Variants in GNG7 observed in about 807,000 individuals in gnomAD.
GNG7 encodes G protein subunit gamma 7.
GNG7 carries 1 observed loss-of-function variant against 4.0 expected under a neutral mutation model. That is an observed-to-expected ratio of 0.25 (90% CI 0.09 to 1.18). GNG7 has a LOEUF of 1.18. Ranked by LOEUF, GNG7 falls within the 50% of genes most tolerant of loss-of-function variation. GNG7 has a pLI of 0.50. For missense variants in GNG7, 86 were observed against 91.9 expected (o/e 0.94, Z 0.26); for synonymous variants, 34 against 36.9 (o/e 0.92, Z 0.29).
chr19:2,532,306 C>G (rs550105777), intron 3 of GNG7, among the ~76,000 whole-genome samples: 1 of 151,844 alleles, frequency 6.6e-6, no homozygotes, highest in East Asian at 1.9e-4. Flanking sequence ...CAAATTGGAA[C>G]AATGGGGAAA....
At chr19:2,550,994 T>C (rs939841560) in intron 3 of GNG7, among the ~76,000 whole-genome samples, 6 of 152,166 alleles carry the variant, frequency 3.9e-5, no homozygotes, top group Non-Finnish European at 8.8e-5. Context: ...TGGAGCCTCT[T>C]GTCATCCCTC....
At chr19:2,592,458 G>A (rs1293673752) in intron 2 of GNG7, among the ~76,000 whole-genome samples, 1 of 152,080 alleles carries the variant, frequency 6.6e-6, no homozygotes, top group Non-Finnish European at 1.5e-5. Flanking sequence ...ACAAAGGCCA[G>A]GTGCAGTGGC....
intron 2 of GNG7, among the ~76,000 whole-genome samples, chr19:2,623,505 T>G (rs1981934871): frequency 6.6e-6 from 1 of 152,068 alleles, no homozygotes; most frequent in African/African-American, 2.4e-5. Flanking sequence ...TACTCAGCCA[T>G]GAAAAGGAAG....
rs1599424569 is a variant in GNG7, at chr19:2,618,247, C to A, written c.-78+27977G>T. Among the ~76,000 whole-genome samples the A allele has an allele frequency of 1.3e-5, 2 of 152,176 alleles. No homozygotes were observed. The highest frequency in any genetic ancestry group is 4.8e-5 in the African/African-American group (2 of 41,430). On this transcript the variant is annotated intron_variant, in intron 2 of 4. Transcript: ENST00000382159. This position sits in a 1 kb window ranked among gnomAD's most constrained non-coding sequence, Gnocchi z 5.1. Reference sequence around the variant, plus strand: ...CTTCTCCATCTTGCCCAAATCCCTGCCAACCCCAGGGCACTGAGGACACAG... The same window carrying A: ...CTTCTCCATCTTGCCCAAATCCCTGACAACCCCAGGGCACTGAGGACACAG...
At chr19:2,564,351 C>T (rs368271015) in intron 2 of GNG7, among the ~76,000 whole-genome samples, 16 of 152,166 alleles carry the variant, frequency 1.1e-4, no homozygotes, top group Middle Eastern at 3.4e-3. Context: ...GAGGCCGAGG[C>T]GGGAGGATCG....
chr19:2,603,662 C>T (rs927557644), intron 2 of GNG7, among the ~76,000 whole-genome samples: 1 of 152,168 alleles, frequency 6.6e-6, no homozygotes, highest in Non-Finnish European at 1.5e-5. Context: ...CTGGAGAATG[C>T]AGGCATCAGA....
chr19:2,580,860 G>A (rs1360161294), intron 2 of GNG7, among the ~76,000 whole-genome samples: 2 of 151,412 alleles, frequency 1.3e-5, no homozygotes, highest in African/African-American at 4.9e-5. Flanking sequence ...CCCCTCCCAG[G>A]TTCAAGCGAT....
intron 3 of GNG7, among the ~76,000 whole-genome samples, chr19:2,545,649 TAA>T (rs34706450): frequency 0.26 from 23,458 of 89,926 alleles, 2,740 homozygotes; most frequent in East Asian, 0.41. Flanking sequence ...GAAACTGTCT[TAA>T]AAAAAAAAAA....
intron 3 of GNG7, among the ~76,000 whole-genome samples, chr19:2,530,185 G>A (rs1386974532): frequency 6.6e-6 from 1 of 152,218 alleles, no homozygotes; most frequent in Admixed American, 6.5e-5. Context: ...GGTCGAGGCG[G>A]GAGGATCACT....
At chr19:2,515,196 GCACACCCGGGTT>G (rs1972716447) in intron 4 of GNG7, 49 bp from the exon 5 acceptor site, 2 of 1,608,064 alleles carry the variant, frequency 1.2e-6, no homozygotes, top group Non-Finnish European at 1.7e-6. Flanking sequence ...GAAGAGGCTG[GCACACCCGGGTT>G]CACAGCAGCA....
chr19:2,522,496 C>G (rs951621693), intron 3 of GNG7, among the ~76,000 whole-genome samples: 1 of 151,800 alleles, frequency 6.6e-6, no homozygotes, highest in South Asian at 2.1e-4. Context: ...AAGGACTGGC[C>G]GGGCGCGGTG....
chr19:2,576,004 GGT>G (rs1980324510), intron 2 of GNG7, among the ~76,000 whole-genome samples: 1 of 82,920 alleles, frequency 1.2e-5, no homozygotes, highest in African/African-American at 9.4e-5. Flanking sequence ...CTCACACTCA[GGT>G]ACACGCAGAC....
In GNG7 at chr19:2,512,432, C is replaced by T; in HGVS notation, c.*2590G>A. ...ACAGGCTTCTGGCAATGGCCACCTCCCTGGGGTCCGGGAGATGGTGGGGTC... is the reference window on the plus strand; with the variant it reads ...ACAGGCTTCTGGCAATGGCCACCTCTCTGGGGTCCGGGAGATGGTGGGGTC... On this transcript the variant is annotated 3_prime_UTR_variant, in exon 5 of 5. Coordinates refer to ENST00000382159, the MANE Select transcript of GNG7 (RefSeq NM_052847.3). This position sits in a 1 kb window ranked among gnomAD's most constrained non-coding sequence, Gnocchi z 4.7. 1.1e-6 allele frequency: 1 copy of T among 932,522 alleles called. No individual in the cohort carries two copies. The highest frequency in any genetic ancestry group is 1.3e-6 in the Non-Finnish European group (1 of 781,842). The allele number at this position is 932,522 out of a possible 1,614,324, so 57.8% of individuals were successfully genotyped here. A position where few individuals can be genotyped will look rare whatever the true frequency, so the allele number is the denominator to read the frequency against.
In GNG7 at chr19:2,634,378, T is replaced by G. The variant is rs573482839; in HGVS notation, c.-78+11846A>C. Among the ~76,000 whole-genome samples, 3 of 152,200 alleles carry G rather than the reference T, an allele frequency of 2.0e-5. No individual in the cohort carries two copies. Among genetic ancestry groups the G allele is most frequent in the Non-Finnish European group, 4.4e-5 (3 of 68,002 alleles). On this transcript the variant is annotated intron_variant, in intron 2 of 4. Transcript: ENST00000382159. The surrounding 1 kb of genome is among the most constrained non-coding windows in gnomAD (Gnocchi z 5.3). The stretch of plus-strand genomic sequence containing the variant: ...CACAGATGTCCCAGAAATTGCTCAG[T>G]GTCCCCGGGGTTGGGGGTGGGGGGC...
chr19:2,562,099 C>T (rs1364414393), intron 2 of GNG7, among the ~76,000 whole-genome samples: 1 of 152,036 alleles, frequency 6.6e-6, no homozygotes, highest in South Asian at 2.1e-4. Flanking sequence ...AGAAAGAAAC[C>T]AGGGTCCGGG....
intron 2 of GNG7, among the ~76,000 whole-genome samples, chr19:2,565,644 C>G (rs185725518): frequency 1.3e-5 from 2 of 152,278 alleles, no homozygotes; most frequent in East Asian, 3.9e-4. Flanking sequence ...GTTCCTAAAA[C>G]CTGCAATCAC....
intron 2 of GNG7, among the ~76,000 whole-genome samples, chr19:2,604,663 ATGG>A (rs1981324244): frequency 7.9e-6 from 1 of 126,706 alleles, no homozygotes; most frequent in African/African-American, 2.9e-5. Context: ...AAAAGAATGA[ATGG>A]AAGGAAGGAA....
intron 1 of GNG7, among the ~76,000 whole-genome samples, chr19:2,665,956 C>T (rs903801535): frequency 1.3e-5 from 2 of 152,074 alleles, no homozygotes; most frequent in African/African-American, 2.4e-5. Flanking sequence ...GCCTCTGCCT[C>T]CCGGGTTCAA....
chr19:2,568,035 GCA>G (rs998176652), intron 2 of GNG7, among the ~76,000 whole-genome samples: 17 of 151,890 alleles, frequency 1.1e-4, no homozygotes, highest in African/African-American at 4.1e-4. Context: ...AAGCACACAT[GCA>G]CACACGTGCA....
Sources: gnomAD v4.1 joint callset for allele counts (sites outside exome capture counted in the v4.1 genomes callset) on GRCh38, gnomAD v4.1.1 for gene constraint, Gnocchi (gnomAD v3.1) non-coding constraint, MANE v1.5 for transcripts, NCBI Gene and HGNC (gene_info 2026-07-23, HGNC 2026-07-21) for gene names.